EIF2B3: variants seen among roughly 807,000 people sequenced by gnomAD.
The protein encoded by EIF2B3 is eukaryotic translation initiation factor 2B subunit gamma.
EIF2B3 carries 20 observed loss-of-function variants against 54.1 expected under a neutral mutation model. That is an observed-to-expected ratio of 0.37 (90% CI 0.26 to 0.54). The LOEUF (loss-of-function observed/expected upper bound fraction) is 0.54. Among genes scored for constraint, EIF2B3 ranks in the 20% least tolerant of loss-of-function variants. EIF2B3 has a pLI of 0.86. For synonymous variants in EIF2B3, 153 were observed against 188.1 expected, an observed-to-expected ratio of 0.81 and a Z score of 1.52; for missense variants, 448 against 547.8, an observed-to-expected ratio of 0.82 and a Z score of 1.82.
intron 5 of EIF2B3, among the ~76,000 whole-genome samples, chr1:44,921,743 T>A (rs1200202358): frequency 2.6e-5 from 4 of 152,156 alleles, no homozygotes; most frequent in Non-Finnish European, 5.9e-5. Flanking sequence ...TCCACTGACC[T>A]ATGTGTCTGT....
At chr1:44,986,134 T>TTTC (rs772760065) in intron 1 of EIF2B3, among the ~76,000 whole-genome samples, 110 of 88,460 alleles carry the variant, frequency 1.2e-3, no homozygotes, top group Non-Finnish European at 2.2e-3. Context: ...CTTTCTTTTC[T>TTTC]TTTCTTTTTT....
At chr1:44,984,173 C>A (rs540163576) in intron 1 of EIF2B3, among the ~76,000 whole-genome samples, 2 of 151,746 alleles carry the variant, frequency 1.3e-5, no homozygotes, top group East Asian at 3.9e-4. Flanking sequence ...GAGTGAGACT[C>A]CGTCTCAAAA....
chr1:44,946,006 G>A (rs1485182888), intron 3 of EIF2B3, among the ~76,000 whole-genome samples: 1 of 152,168 alleles, frequency 6.6e-6, no homozygotes, highest in African/African-American at 2.4e-5. Flanking sequence ...TTCGATATCT[G>A]CAAAAGTGTT....
Position 44,879,847 on chromosome 1 carries a change from G to T in EIF2B3, c.946C>A (p.Leu316Met). The T allele has an allele frequency of 6.2e-7, 1 of 1,614,092 alleles. No homozygotes were observed. The highest frequency in any genetic ancestry group is 8.5e-7 in the Non-Finnish European group (1 of 1,180,036). The change falls in exon 8 of 12, where the codon CTG becomes ATG. Residue 316 changes from leucine to methionine, a missense_variant. Coordinates refer to ENST00000360403, the MANE Select transcript of EIF2B3 (RefSeq NM_020365.5). ...KEGLCSRVST[L>M]GLYMEANRQV... is the part of the protein sequence containing the mutation. Reference sequence around the variant, plus strand: ...CTGTTTGCTTCCATGTAGAGTCCCAGTGTGCTCACTCGAGAGCAGAGCCCC... The same window carrying T: ...CTGTTTGCTTCCATGTAGAGTCCCATTGTGCTCACTCGAGAGCAGAGCCCC...
At chr1:44,865,757 T>C (rs1475367786) in intron 10 of EIF2B3, among the ~76,000 whole-genome samples, 1 of 151,902 alleles carries the variant, frequency 6.6e-6, no homozygotes, top group Non-Finnish European at 1.5e-5. Flanking sequence ...TAATTTTGTA[T>C]GGGGTTTCTC....
chr1:44,966,956 C>T (rs1008521510), intron 3 of EIF2B3, among the ~76,000 whole-genome samples: 13 of 151,782 alleles, frequency 8.6e-5, no homozygotes, highest in Non-Finnish European at 1.0e-4. Context: ...GCTGGGACTA[C>T]GAGCACACGC....
chr1:44,953,606 C>A (rs1253298801), intron 3 of EIF2B3, among the ~76,000 whole-genome samples: 1 of 152,052 alleles, frequency 6.6e-6, no homozygotes, highest in East Asian at 1.9e-4. Context: ...GCGAAAAAAA[C>A]ACAAAGACTT....
In EIF2B3 at chr1:44,857,874, G is replaced by A. The variant is rs551880067; in HGVS notation, c.1203-67C>T. 1.2e-4 allele frequency: 178 copies of A among 1,508,532 alleles called. No individual in the cohort carries two copies. In the African/African-American group the frequency reaches 2.4e-3, roughly 20 times the overall value. The allele number at this position is 1,508,532 out of a possible 1,614,324, so 93.4% of individuals were successfully genotyped here. ...ATCACCATCCTCATTACTATTGGTT[G>A]GGGGTTCTGGCTCCTCCCTAGGCCA... On this transcript the variant is annotated intron_variant, in intron 10 of 11. Coordinates refer to ENST00000360403, the MANE Select transcript of EIF2B3 (RefSeq NM_020365.5).
chr1:44,917,444 G>C (rs1643645429), intron 5 of EIF2B3, among the ~76,000 whole-genome samples: 4 of 144,358 alleles, frequency 2.8e-5, no homozygotes. Context: ...GGTGAGCCGA[G>C]ATCACGCCAT....
chr1:44,885,166 C>CT (rs1486600176), intron 6 of EIF2B3, among the ~76,000 whole-genome samples: 15 of 152,308 alleles, frequency 9.8e-5, no homozygotes, highest in Admixed American at 2.6e-4. Flanking sequence ...AAACACCTGT[C>CT]TTATCTCATG....
At chr1:44,920,920 T>C (rs1643726630) in intron 5 of EIF2B3, among the ~76,000 whole-genome samples, 1 of 152,240 alleles carries the variant, frequency 6.6e-6, no homozygotes, top group Non-Finnish European at 1.5e-5. Context: ...GTGGGATTGC[T>C]GGATTGTATG....
At position 44,851,209 on chromosome 1, in the gene EIF2B3, C is replaced by T. The variant is rs180899656; in HGVS notation, c.1307-206G>A. Among the ~76,000 whole-genome samples, 279 of 152,068 alleles carry T rather than the reference C, an allele frequency of 1.8e-3. 1 individual carries two copies. The highest frequency in any genetic ancestry group is 6.3e-3 in the African/African-American group (262 of 41,480). On this transcript the variant is annotated intron_variant, in intron 11 of 11. Transcript: ENST00000360403. ...CCTCCTGAGTAGCTGGGATTACAGG[C>T]GCCCGCCACCACGCCTGGCTAACTT...
intron 3 of EIF2B3, among the ~76,000 whole-genome samples, chr1:44,961,316 C>CAAAA (rs752610849): frequency 1.3e-4 from 11 of 81,620 alleles, no homozygotes; most frequent in Non-Finnish European, 1.7e-4. Flanking sequence ...GACCCTGTCT[C>CAAAA]AAAAAAAAAA....
chr1:44,975,459 T>C (rs1279645931), intron 3 of EIF2B3, among the ~76,000 whole-genome samples: 4 of 152,182 alleles, frequency 2.6e-5, no homozygotes, highest in Non-Finnish European at 5.9e-5. Flanking sequence ...CTATTGTTCC[T>C]AGGTAACAAA....
intron 6 of EIF2B3, among the ~76,000 whole-genome samples, chr1:44,892,117 T>C (rs1303984957): frequency 6.6e-6 from 1 of 152,190 alleles, no homozygotes; most frequent in African/African-American, 2.4e-5. Flanking sequence ...TTATAACTGA[T>C]AGAATTGAAA....
intron 7 of EIF2B3, 33 bp from the exon 8 acceptor site, chr1:44,880,041 TGA>T (rs759544523): frequency 2.4e-5 from 39 of 1,608,570 alleles, no homozygotes; most frequent in Admixed American, 3.3e-5. Context: ...AGGAAATAAA[TGA>T]GAGAGAGATA....
chr1:44,952,379 C>A, intron 3 of EIF2B3, among the ~76,000 whole-genome samples: 1 of 152,016 alleles, frequency 6.6e-6, no homozygotes, highest in East Asian at 1.9e-4. Flanking sequence ...GGATTACCAG[C>A]GTAAGCCACT....
chr1:44,877,201 A>C (rs1327991287), intron 8 of EIF2B3, among the ~76,000 whole-genome samples: 56 of 144,268 alleles, frequency 3.9e-4, no homozygotes, highest in Admixed American at 1.6e-3. Context: ...ATAAAAAAAA[A>C]AAAAAAAAAA....
At position 44,941,632 on chromosome 1, in the gene EIF2B3, T is replaced by G. The variant is rs1426476205; in HGVS notation, c.328A>C (p.Thr110Pro). The change falls in exon 4 of 12, where the codon ACA (threonine) becomes CCA (proline). Residue 110 changes from threonine (T) to proline (P), a missense_variant. By Grantham distance (38) the Thr-to-Pro change is conservative. Around this residue, in one of 3 missense-constraint regions of EIF2B3, gnomAD observed 350 missense variants for 414.2 expected, o/e 0.85. Transcript: ENST00000360403. ...DVLVLSCDLITDVALHEVVDL... is the reference protein window; with the variant it reads ...DVLVLSCDLIPDVALHEVVDL... ...ACAACCTCATGTAAGGCAACGTCTGTTATCAGATCACAGCTCAGCACCAGC... is the reference window on the plus strand; with the variant it reads ...ACAACCTCATGTAAGGCAACGTCTGGTATCAGATCACAGCTCAGCACCAGC... The G allele has an allele frequency of 6.2e-7, 1 of 1,614,162 alleles. No individual in the cohort carries two copies. The highest frequency in any genetic ancestry group is 8.5e-7 in the Non-Finnish European group (1 of 1,180,024).
Sources: gnomAD v4.1 joint callset for allele counts (sites outside exome capture counted in the v4.1 genomes callset) on GRCh38, gnomAD v4.1.1 for gene constraint, gnomAD v4.1.1 regional missense constraint, MANE v1.5 for transcripts, NCBI Gene and HGNC (gene_info 2026-07-23, HGNC 2026-07-21) for gene names.